The following TRIM33 variants were observed in gnomAD, a reference collection of about 807,000 sequenced individuals.
TRIM33 encodes tripartite motif containing 33, also known as E3 ubiquitin-protein ligase TRIM33.
Under a neutral mutation model 125.4 loss-of-function variants are expected in TRIM33, and 20 were observed. The ratio of observed to expected loss-of-function variants is 0.16; its 90% CI spans 0.11 to 0.23. TRIM33 has a LOEUF of 0.23. Among genes scored for constraint, TRIM33 ranks in the 10% least tolerant of loss-of-function variants. The pLI, the probability that TRIM33 is intolerant of heterozygous loss-of-function variation, is 1.00. For synonymous variants in TRIM33, 564 were observed against 513.9 expected (o/e 1.10, Z -1.32); for missense variants, 920 against 1,411.4 (o/e 0.65, Z 5.58).
At chr1:114,436,106 G>A (rs1004730159) in intron 4 of TRIM33, among the ~76,000 whole-genome samples, 3 of 151,270 alleles carry the variant, frequency 2.0e-5, no homozygotes, top group African/African-American at 7.3e-5. Flanking sequence ...ACTTGTATAA[G>A]ATATTAATAG....
intron 1 of TRIM33, among the ~76,000 whole-genome samples, chr1:114,506,066 C>T (rs1298344867): frequency 6.6e-6 from 1 of 152,088 alleles, no homozygotes; most frequent in Non-Finnish European, 1.5e-5. Flanking sequence ...AGGTTCCTTG[C>T]CCAAGGGTTA....
chr1:114,453,589 C>T (rs983671815), intron 4 of TRIM33, among the ~76,000 whole-genome samples: 2 of 152,132 alleles, frequency 1.3e-5, no homozygotes, highest in African/African-American at 4.8e-5. Flanking sequence ...TAATCTCTAA[C>T]CCCCTGAAAT....
intron 1 of TRIM33, among the ~76,000 whole-genome samples, chr1:114,489,262 C>G (rs1488109818): frequency 6.6e-6 from 1 of 152,166 alleles, no homozygotes; most frequent in Non-Finnish European, 1.5e-5. Context: ...ATCTTTACCT[C>G]ACAAACAAAT....
At chr1:114,498,110 GAC>G (rs1652483140) in intron 1 of TRIM33, among the ~76,000 whole-genome samples, 1 of 119,892 alleles carries the variant, frequency 8.3e-6, no homozygotes, top group African/African-American at 3.4e-5. Context: ...CTGGGCGACA[GAC>G]TGAGACTCTG....
At chr1:114,493,102 T>C (rs535446059) in intron 1 of TRIM33, among the ~76,000 whole-genome samples, 1 of 152,346 alleles carries the variant, frequency 6.6e-6, no homozygotes, top group East Asian at 1.9e-4. Flanking sequence ...CTAGCAGGTG[T>C]GAAGTGGTAT....
In TRIM33 at chr1:114,425,679, T is replaced by G; in HGVS notation, c.1465A>C (p.Asn489His). 6.2e-7 allele frequency: 1 copy of G among 1,614,134 alleles called. No homozygotes were observed. Among genetic ancestry groups the G allele is most frequent in the Non-Finnish European group, 8.5e-7 (1 of 1,179,998 alleles). Residue 489 changes from asparagine to histidine, a missense_variant, in exon 9 of 20, where the codon AAT becomes CAT. Physicochemically the swap from Asn to His is moderately conservative, Grantham distance 68 (BLOSUM62 1). Coordinates refer to ENST00000358465, the MANE Select transcript of TRIM33 (RefSeq NM_015906.4). ...ESKPAPGYTP[N>H]VVVGQVPPGT... ...GGAGGAACTTGCCCAACTACAACAT[T>G]AGGAGTATAACCAGGAGCTGGTTTA... is the stretch of plus-strand genomic sequence containing the variant.
chr1:114,484,409 C>T (rs6671365), intron 1 of TRIM33, among the ~76,000 whole-genome samples: 53,554 of 152,026 alleles, frequency 0.35, 10,112 homozygotes, highest in African/African-American at 0.46. Context: ...AAGAATTATA[C>T]TGGTCATCCT....
chr1:114,487,943 T>C (rs1651817961), intron 1 of TRIM33, among the ~76,000 whole-genome samples: 1 of 138,704 alleles, frequency 7.2e-6, no homozygotes, highest in South Asian at 2.3e-4. Flanking sequence ...AGAGTAAATA[T>C]AATAGATTTC....
chr1:114,437,371 G>A (rs538240746), intron 4 of TRIM33, among the ~76,000 whole-genome samples: 6 of 152,140 alleles, frequency 3.9e-5, no homozygotes, highest in South Asian at 2.1e-4. Flanking sequence ...ACGGAGTCTC[G>A]CTCTGTTGCC....
At chr1:114,430,702 AC>A in intron 6 of TRIM33, 95 bp downstream of exon 6, 9 of 737,446 alleles carry the variant, frequency 1.2e-5, no homozygotes, top group South Asian at 4.6e-5. Flanking sequence ...TTATTTCCAT[AC>A]CCCCCAATCC....
Position 114,396,554 on chromosome 1 carries a change from TAGAC to T in TRIM33, c.*1090_*1093del, listed in dbSNP as rs1203685913. ...AAAATATGAATGTGAACATTAGAAA[TAGAC>T]AGCATATATTACAAATCCATTCTTG... On this transcript the variant is annotated 3_prime_UTR_variant, in exon 20 of 20. Transcript: ENST00000358465. 4.6e-5 allele frequency: 9 copies of T among 197,538 alleles called. No individual in the cohort carries two copies. The highest frequency in any genetic ancestry group is 1.9e-4 in the South Asian group (1 of 5,218). 12.2% of individuals were successfully genotyped at this position (197,538 alleles called of 1,614,324 possible). A position where few individuals can be genotyped will look rare whatever the true frequency, so the allele number is the denominator to read the frequency against.
chr1:114,479,387 G>A (rs1651163618), intron 1 of TRIM33, among the ~76,000 whole-genome samples: 1 of 152,116 alleles, frequency 6.6e-6, no homozygotes, highest in Non-Finnish European at 1.5e-5. Flanking sequence ...CTGAAAACCA[G>A]GAGAAAAATA....
intron 1 of TRIM33, among the ~76,000 whole-genome samples, chr1:114,477,061 T>C (rs978802038): frequency 6.6e-5 from 10 of 152,172 alleles, no homozygotes; most frequent in Admixed American, 3.9e-4. Flanking sequence ...CATTTCTAAA[T>C]GAAATATTAG....
intron 1 of TRIM33, 132 bp downstream of exon 1, chr1:114,510,419 T>A (rs944842926): frequency 2.6e-6 from 2 of 773,580 alleles, no homozygotes; most frequent in Non-Finnish European, 3.7e-6. Flanking sequence ...CAGGGGCGAG[T>A]CTTTCACCTT....
At chr1:114,466,254 T>C (rs966123668) in intron 1 of TRIM33, among the ~76,000 whole-genome samples, 6 of 152,144 alleles carry the variant, frequency 3.9e-5, no homozygotes, top group Admixed American at 3.9e-4. Flanking sequence ...GACAAAGATA[T>C]GAGAGCAACT....
chr1:114,394,260 T>G lies in TRIM33; in HGVS notation c.*3388A>C, dbSNP rs1357469651. 8.7e-6 allele frequency: 2 copies of G among 229,160 alleles called. No homozygotes were observed. The highest frequency in any genetic ancestry group is 4.4e-5 in the African/African-American group (2 of 45,064). 14.2% of individuals were successfully genotyped at this position (229,160 alleles called of 1,614,324 possible). On this transcript the variant is annotated 3_prime_UTR_variant, in exon 20 of 20. Transcript: ENST00000358465. ...AATGAGATTTTTATATTTCACATGT[T>G]GTACATGAATGGGGGTGGATATGGG...
chr1:114,468,657 T>A, intron 1 of TRIM33: 2 of 437,812 alleles, frequency 4.6e-6, no homozygotes, highest in South Asian at 1.7e-5. Flanking sequence ...TGAACCAGAG[T>A]ATGACCTTAA....
intron 1 of TRIM33, among the ~76,000 whole-genome samples, chr1:114,475,184 G>T (rs901947063): frequency 1.3e-5 from 2 of 151,984 alleles, no homozygotes; most frequent in African/African-American, 4.8e-5. Context: ...ATTATCAAGT[G>T]GTCTAATATA....
chr1:114,499,090 A>G (rs1652556359), intron 1 of TRIM33, among the ~76,000 whole-genome samples: 1 of 152,218 alleles, frequency 6.6e-6, no homozygotes, highest in African/African-American at 2.4e-5. Context: ...CTGATTTAAG[A>G]CACTGGAAGA....
Sources: allele counts gnomAD v4.1 joint callset (sites outside exome capture counted in the v4.1 genomes callset), GRCh38; gene constraint gnomAD v4.1.1; transcripts MANE v1.5; gene names NCBI Gene and HGNC (gene_info 2026-07-23, HGNC 2026-07-21).